AKT3: variants seen among roughly 807,000 people sequenced by gnomAD.
The protein encoded by AKT3 is RAC-gamma serine/threonine-protein kinase.
AKT3 carries 15 observed loss-of-function variants against 65.3 expected under a neutral mutation model. The ratio of observed to expected loss-of-function variants is 0.23; its 90% confidence interval spans 0.15 to 0.35. AKT3 has a LOEUF of 0.35. Ranked by LOEUF, AKT3 falls within the 10% of genes least tolerant of loss-of-function variation. AKT3 has a pLI of 1.00. For missense variants in AKT3, 243 were observed against 576.5 expected, an observed-to-expected ratio of 0.42 and a Z score of 5.92; for synonymous variants, 206 against 183.8, an observed-to-expected ratio of 1.12 and a Z score of -0.98.
At chr1:243,618,182 A>G (rs79380843) in intron 6 of AKT3, among the ~76,000 whole-genome samples, 2,887 of 152,234 alleles carry the variant, frequency 0.019, 53 homozygotes, top group South Asian at 0.081. Flanking sequence ...TACCCCCTAA[A>G]TTTGTAATCT....
At chr1:243,578,219 C>A (rs2148518274) in intron 8 of AKT3, among the ~76,000 whole-genome samples, 1 of 152,190 alleles carries the variant, frequency 6.6e-6, no homozygotes, top group Non-Finnish European at 1.5e-5. Flanking sequence ...CATTCTACTA[C>A]AAAGATACGT....
intron 2 of AKT3, among the ~76,000 whole-genome samples, chr1:243,789,166 C>T (rs1189171674): frequency 6.6e-6 from 1 of 152,166 alleles, no homozygotes; most frequent in Non-Finnish European, 1.5e-5. Flanking sequence ...TCGCCTGAAG[C>T]GAGGAGTTCG....
intron 2 of AKT3, among the ~76,000 whole-genome samples, chr1:243,815,382 C>T (rs553597930): frequency 3.9e-5 from 6 of 152,276 alleles, no homozygotes; most frequent in Non-Finnish European, 7.4e-5. Context: ...CAAGGATCCC[C>T]TTTCCTCGTG....
At chr1:243,608,998 C>T (rs1338876644) in intron 8 of AKT3, among the ~76,000 whole-genome samples, 6 of 151,540 alleles carry the variant, frequency 4.0e-5, no homozygotes, top group African/African-American at 1.2e-4. Context: ...GTGATCTGCC[C>T]GCCTCAGCCT....
At chr1:243,660,166 T>C (rs1167213023) in intron 4 of AKT3, among the ~76,000 whole-genome samples, 3 of 152,032 alleles carry the variant, frequency 2.0e-5, no homozygotes, top group Admixed American at 6.6e-5. Flanking sequence ...GCTCCTGTTA[T>C]TGGTCTATTC....
Position 243,666,255 on chromosome 1 carries a change from C to T in AKT3, c.173-1372G>A, listed in dbSNP as rs542040812. Among the ~76,000 whole-genome samples the T allele has an allele frequency of 2.0e-3, 306 of 152,210 alleles. 1 individual carries two copies. Among genetic ancestry groups the T allele is most frequent in the Middle Eastern group, 6.8e-3 (2 of 294 alleles). On this transcript the variant is annotated intron_variant, in intron 3 of 13. Transcript: ENST00000673466. ...CTGACCTCAAGTGATCCGCCCGCCT[C>T]GGCCTCCCAAAGTGCTGGGATTACG... is the stretch of plus-strand genomic sequence containing the variant.
In AKT3 at chr1:243,773,129, A is replaced by G. The variant is rs184006411; in HGVS notation, c.46+69996T>C. On this transcript the variant is annotated intron_variant, in intron 2 of 13. Transcript: ENST00000673466. ...TGCAGCACACCAACATGGCACATGT[A>G]TACATATGTAACAAACCTGCACGTT... Among the ~76,000 whole-genome samples the G allele has an allele frequency of 3.4e-3, 519 of 151,474 alleles. 7 individuals carry two copies. The highest frequency in any genetic ancestry group is 0.012 in the African/African-American group (500 of 41,390).
At chr1:243,830,301 T>G (rs1257749849) in intron 2 of AKT3, among the ~76,000 whole-genome samples, 1 of 152,120 alleles carries the variant, frequency 6.6e-6, no homozygotes, top group African/African-American at 2.4e-5. Flanking sequence ...CTACACCATT[T>G]TATGTAAGGG....
chr1:243,670,863 G>T (rs1213191124), intron 3 of AKT3, among the ~76,000 whole-genome samples: 1 of 152,084 alleles, frequency 6.6e-6, no homozygotes, highest in East Asian at 1.9e-4. Flanking sequence ...GTACAAAGCT[G>T]TAATTACTCT....
At chr1:243,780,825 A>G (rs1255473695) in intron 2 of AKT3, among the ~76,000 whole-genome samples, 1 of 151,912 alleles carries the variant, frequency 6.6e-6, no homozygotes, top group African/African-American at 2.4e-5. Context: ...TTGCATTCAA[A>G]TATTCCTTTG....
chr1:243,772,308 T>A (rs1182356236), intron 2 of AKT3, among the ~76,000 whole-genome samples: 1 of 151,754 alleles, frequency 6.6e-6, no homozygotes, highest in Non-Finnish European at 1.5e-5. Context: ...AGGGCTAATA[T>A]CCAGAATCTA....
chr1:243,791,948 A>T (rs953794060), intron 2 of AKT3, among the ~76,000 whole-genome samples: 2 of 152,262 alleles, frequency 1.3e-5, no homozygotes, highest in African/African-American at 2.4e-5. Context: ...TAGCAAATTT[A>T]GTTAGGTTTA....
chr1:243,526,951 G>A (rs1671151022), intron 12 of AKT3, among the ~76,000 whole-genome samples: 1 of 151,992 alleles, frequency 6.6e-6, no homozygotes, highest in Non-Finnish European at 1.5e-5. Context: ...CCATGGAAGT[G>A]TATACTTTAA....
intron 9 of AKT3, among the ~76,000 whole-genome samples, chr1:243,569,672 C>G (rs752342233): frequency 6.6e-6 from 1 of 152,184 alleles, no homozygotes; most frequent in Non-Finnish European, 1.5e-5. Context: ...TAACTATTCT[C>G]ACATTAGGTG....
chr1:243,819,539 G>T (rs915527596), intron 2 of AKT3, among the ~76,000 whole-genome samples: 2 of 152,212 alleles, frequency 1.3e-5, no homozygotes, highest in East Asian at 3.9e-4. Flanking sequence ...TGTCTCTGTG[G>T]ATCAGCAGAC....
intron 3 of AKT3, among the ~76,000 whole-genome samples, chr1:243,686,904 A>G (rs1282316804): frequency 6.6e-6 from 1 of 151,242 alleles, no homozygotes; most frequent in Non-Finnish European, 1.5e-5. Flanking sequence ...ACCTCAAGTG[A>G]TCCACCCACC....
At position 243,500,385 on chromosome 1, in the gene AKT3, A is replaced by ATCTT. The variant is rs1669154297; in HGVS notation, c.*4860_*4863dup. ...AAACAACGAAAACAGACAAAAAAGCATCTTTGGCTCGGTGGTGTCAGATTT... is the reference window on the plus strand; with the variant it reads ...AAACAACGAAAACAGACAAAAAAGCATCTTTCTTTGGCTCGGTGGTGTCAGATTT... On this transcript the variant is annotated 3_prime_UTR_variant, in exon 14 of 14. Transcript: ENST00000673466. 1 of 225,238 alleles carries ATCTT rather than the reference A, an allele frequency of 4.4e-6. No individual in the cohort carries two copies. The highest frequency in any genetic ancestry group is 2.2e-5 in the African/African-American group (1 of 44,930). 14.0% of individuals were successfully genotyped at this position (225,238 alleles called of 1,614,324 possible). A position where few individuals can be genotyped will look rare whatever the true frequency, so the allele number is the denominator to read the frequency against.
intron 6 of AKT3, among the ~76,000 whole-genome samples, chr1:243,626,797 T>C (rs1679200951): frequency 6.6e-6 from 1 of 152,190 alleles, no homozygotes; most frequent in East Asian, 1.9e-4. Flanking sequence ...TTAGTATGTT[T>C]GAATGAATCT....
At chr1:243,602,124 T>C (rs1432271826) in intron 8 of AKT3, among the ~76,000 whole-genome samples, 1 of 152,234 alleles carries the variant, frequency 6.6e-6, no homozygotes, top group African/African-American at 2.4e-5. Context: ...TTGAGGCTTG[T>C]AATAACATCT....
Sources: allele counts gnomAD v4.1 joint callset (sites outside exome capture counted in the v4.1 genomes callset), GRCh38; gene constraint gnomAD v4.1.1; transcripts MANE v1.5; gene names NCBI Gene and HGNC (gene_info 2026-07-23, HGNC 2026-07-21).